KLHL6: variants seen among roughly 807,000 people sequenced by gnomAD.
KLHL6 encodes the protein kelch like family member 6, also known as kelch-like protein 6.
KLHL6 carries 41 observed loss-of-function variants against 58.6 expected under a neutral mutation model. The ratio of observed to expected loss-of-function variants is 0.70; its 90% confidence interval spans 0.55 to 0.91. The LOEUF is 0.91. Among genes scored for constraint, KLHL6 ranks in the 40% least tolerant of loss-of-function variants. The probability of loss-of-function intolerance (pLI) is 0.00; values close to 1 mark genes in which losing one functional copy is unlikely to be tolerated. For missense variants in KLHL6, 714 were observed against 805.6 expected (o/e 0.89, Z 1.38); for synonymous variants, 338 against 322.7 (o/e 1.05, Z -0.51).
intron 1 of KLHL6, among the ~76,000 whole-genome samples, chr3:183,547,382 G>A (rs1194307702): frequency 1.3e-5 from 2 of 152,040 alleles, no homozygotes; most frequent in African/African-American, 4.8e-5. Context: ...TTTGGGTAAG[G>A]GATTATGGGG....
At position 183,492,211 on chromosome 3, in the gene KLHL6, GCGCTCT is replaced by G; in HGVS notation, c.1576_1581del (p.Arg526_Ala527del). 1 of 1,604,868 alleles carries G rather than the reference GCGCTCT, an allele frequency of 6.2e-7. No individual in the cohort carries two copies. The highest frequency in any genetic ancestry group is 8.5e-7 in the Non-Finnish European group (1 of 1,174,256). On this transcript the variant is annotated inframe_deletion, in exon 7 of 7. Transcript: ENST00000341319. The surrounding 1 kb of genome is among the most constrained non-coding windows in gnomAD (Gnocchi z 5.9). The stretch of plus-strand genomic sequence containing the variant: ...TCTTCCAGCGGGCTGTAGGCGTACA[GCGCTCT>G]CATGGCCCCACCTGAGGAGAGGGAG...
At chr3:183,525,269 A>AAAACACACACACACACACAC (rs55871319) in intron 2 of KLHL6, among the ~76,000 whole-genome samples, 114 of 133,856 alleles carry the variant, frequency 8.5e-4, no homozygotes, top group African/African-American at 3.1e-3. Flanking sequence ...CTAAAAAAAA[A>AAAACACACACACACACACAC]ACACACACAC....
intron 2 of KLHL6, among the ~76,000 whole-genome samples, chr3:183,519,895 C>CAAAAAAA (rs56101517): frequency 4.8e-5 from 4 of 83,238 alleles, no homozygotes; most frequent in African/African-American, 5.3e-5. Flanking sequence ...AACCCTGTCT[C>CAAAAAAA]AAAAAAAAAA....
At chr3:183,552,490 G>A (rs6443894) in intron 1 of KLHL6, among the ~76,000 whole-genome samples, 17,390 of 151,764 alleles carry the variant, frequency 0.11, 1,163 homozygotes, top group Middle Eastern at 0.16. Flanking sequence ...AGGCCGAGGC[G>A]GGTGGATCTC....
At chr3:183,544,541 C>G (rs146132724) in intron 1 of KLHL6, 170 of 152,184 alleles carry the variant, frequency 1.1e-3, no homozygotes, top group African/African-American at 3.7e-3. Flanking sequence ...GGCAAAAGTG[C>G]GACAAATTGG....
chr3:183,492,472 C>T lies in KLHL6; in HGVS notation c.1564+22G>A. The T allele has an allele frequency of 6.2e-7, 1 of 1,612,846 alleles. No individual in the cohort carries two copies. Among genetic ancestry groups the T allele is most frequent in the Non-Finnish European group, 8.5e-7 (1 of 1,178,844 alleles). On this transcript the variant is annotated intron_variant, in intron 6 of 6. Transcript: ENST00000341319. The surrounding 1 kb of genome is among the most constrained non-coding windows in gnomAD (Gnocchi z 5.9). ...CTCATCAGGTTCTAAGCCATTCAGA[C>T]CAATAAGAAGCCATTACTCACCAAC...
intron 2 of KLHL6, among the ~76,000 whole-genome samples, chr3:183,527,305 T>A (rs898191225): frequency 6.6e-6 from 1 of 152,214 alleles, no homozygotes; most frequent in Non-Finnish European, 1.5e-5. Context: ...AAAAGCTATA[T>A]TTTAAAATGA....
chr3:183,514,037 A>G (rs150927224), intron 2 of KLHL6, among the ~76,000 whole-genome samples: 351 of 152,324 alleles, frequency 2.3e-3, no homozygotes, highest in African/African-American at 8.0e-3. Flanking sequence ...ATGTCCCTGC[A>G]AAGGACATGA....
At chr3:183,529,655 C>T (rs967189436) in intron 1 of KLHL6, among the ~76,000 whole-genome samples, 2 of 152,000 alleles carry the variant, frequency 1.3e-5, no homozygotes, top group African/African-American at 4.8e-5. Flanking sequence ...CATGGTGAAA[C>T]TCCATCTCTA....
At chr3:183,542,486 T>C (rs533217006) in intron 1 of KLHL6, among the ~76,000 whole-genome samples, 150 of 152,276 alleles carry the variant, frequency 9.9e-4, no homozygotes, top group Non-Finnish European at 1.9e-3. Flanking sequence ...TCTCTTCTCC[T>C]TTCTCCCCTC....
rs2108674557 is a variant in KLHL6, at chr3:183,508,289, GGTCAT to G, written c.674_678del (p.Asp225AlafsTer11). On this transcript the variant is annotated frameshift_variant, in exon 3 of 7. Transcript: ENST00000341319. LOFTEE classifies it high-confidence loss of function. ...ACCTGAGCCTCCTCGGTCACGTAAA[GGTCAT>G]CACTCTTCAAGATGTGGTGCAGAGT... 6.2e-7 allele frequency: 1 copy of G among 1,614,212 alleles called. No homozygotes were observed. Among genetic ancestry groups the G allele is most frequent in the East Asian group, 2.2e-5 (1 of 44,884 alleles).
At chr3:183,493,975 A>G (rs922450661) in intron 5 of KLHL6, 104 bp downstream of exon 5, 1 of 1,012,002 alleles carries the variant, frequency 9.9e-7, no homozygotes, top group Non-Finnish European at 1.6e-6. Flanking sequence ...TTGGAAGTAA[A>G]GTGATCAGAA....
intron 1 of KLHL6, among the ~76,000 whole-genome samples, chr3:183,536,542 TGTGACTTAGTGCAAGTGA>T (rs1272735286): frequency 2.6e-5 from 4 of 152,248 alleles, no homozygotes; most frequent in African/African-American, 7.2e-5. Context: ...TCACTCATTG[TGTGACTTAGTGCAAGTGA>T]GTGAACCTCA....
chr3:183,545,672 A>G (rs1001589662), intron 1 of KLHL6, among the ~76,000 whole-genome samples: 2 of 152,184 alleles, frequency 1.3e-5, no homozygotes, highest in Admixed American at 6.5e-5. Flanking sequence ...GCCCTGGTGC[A>G]GAACCCCTCT....
rs59579259 is a variant in KLHL6, at chr3:183,531,443, G to GTTTT, written c.294-3437_294-3434dup. 6.9e-4 allele frequency among the ~76,000 whole-genome samples: 62 copies of GTTTT among 90,336 alleles called. 2 individuals are homozygous for GTTTT. Among genetic ancestry groups the GTTTT allele is most frequent in the African/African-American group, 1.6e-3 (34 of 20,658 alleles). The allele number at this position is 90,336 out of a possible 152,430, so 59.3% of individuals were successfully genotyped here. ...TTCTTTCTGTTCTTTTTTTGTCTGT[G>GTTTT]TTTTTTTTTTTTTTTTTTTTTTTTG... On this transcript the variant is annotated intron_variant, in intron 1 of 6. Coordinates refer to ENST00000341319, the MANE Select transcript of KLHL6 (RefSeq NM_130446.4).
intron 1 of KLHL6, 98 bp downstream of exon 1, chr3:183,555,263 A>G: frequency 1.0e-6 from 1 of 966,476 alleles, no homozygotes; most frequent in Non-Finnish European, 1.6e-6. Context: ...TGTAAACCAT[A>G]AATATCATGG....
At chr3:183,507,545 C>A (rs1051057704) in intron 3 of KLHL6, among the ~76,000 whole-genome samples, 1 of 152,146 alleles carries the variant, frequency 6.6e-6, no homozygotes, top group Non-Finnish European at 1.5e-5. Context: ...GATCTTCCTG[C>A]CTCAGCCTCC....
rs114243652 is a variant in KLHL6 at position 183,545,070 on chromosome 3, G to A, written c.293+10291C>T. On this transcript the variant is annotated intron_variant, in intron 1 of 6. Transcript: ENST00000341319. ...AGAAACCCAACCTGAGAGAAGCCAA[G>A]TGAGGGGTGGAGAAAGAGCACGCAG... is the stretch of plus-strand genomic sequence containing the variant. Among the ~76,000 whole-genome samples, 1,312 of 152,306 alleles carry A rather than the reference G, an allele frequency of 8.6e-3. 23 individuals carry two copies. The highest frequency in any genetic ancestry group is 0.03 in the African/African-American group (1,245 of 41,578).
intron 4 of KLHL6, among the ~76,000 whole-genome samples, chr3:183,496,686 AT>A (rs1468822877): frequency 2.0e-5 from 3 of 152,268 alleles, no homozygotes; most frequent in Non-Finnish European, 4.4e-5. Context: ...TAATAACTAT[AT>A]CACTTGATAT....
Sources: allele counts gnomAD v4.1 joint callset (sites outside exome capture counted in the v4.1 genomes callset), GRCh38; gene constraint gnomAD v4.1.1; non-coding constraint Gnocchi (gnomAD v3.1); transcripts MANE v1.5; gene names NCBI Gene and HGNC (gene_info 2026-07-23, HGNC 2026-07-21).